GRM1: variants seen among roughly 807,000 people sequenced by gnomAD.
GRM1 encodes glutamate metabotropic receptor 1, also known as metabotropic glutamate receptor 1.
In GRM1, 33 loss-of-function variants were observed where a neutral mutation model predicts 90.9. The observed-to-expected ratio is 0.36, with a 90% confidence interval of 0.28 to 0.49. The LOEUF is 0.49. Among genes scored for constraint, GRM1 ranks in the 20% least tolerant of loss-of-function variants. The pLI is 0.99. For synonymous variants in GRM1, 700 were observed against 613.2 expected, an observed-to-expected ratio of 1.14 and a Z score of -2.09; for missense variants, 1,190 against 1,534.3, an observed-to-expected ratio of 0.78 and a Z score of 3.75.
In GRM1 at chr6:146,266,706, G is replaced by T. The variant is rs73577140; in HGVS notation, c.951-37905G>T. Reference sequence around the variant, plus strand: ...TGGTAACTTTGTAACTAGCCTTACAGCAAGCCCTGCTCCCATCCATTCACC... The same window carrying T: ...TGGTAACTTTGTAACTAGCCTTACATCAAGCCCTGCTCCCATCCATTCACC... On this transcript the variant is annotated intron_variant, in intron 2 of 7. Coordinates refer to ENST00000282753, the MANE Select transcript of GRM1 (RefSeq NM_001278064.2). Among the ~76,000 whole-genome samples, 618 of 152,312 alleles carry T rather than the reference G, an allele frequency of 4.1e-3. 6 individuals carry two copies. The highest frequency in any genetic ancestry group is 0.014 in the African/African-American group (593 of 41,576).
chr6:146,314,415 T>A (rs1783892734), intron 3 of GRM1, among the ~76,000 whole-genome samples: 1 of 152,150 alleles, frequency 6.6e-6, no homozygotes, highest in South Asian at 2.1e-4. Context: ...TGGTTATTTA[T>A]TCACCTGGTA....
In GRM1 at chr6:146,408,182, A is replaced by G. The variant is rs190527817; in HGVS notation, c.2660+8483A>G. Among the ~76,000 whole-genome samples the G allele has an allele frequency of 2.2e-4, 33 of 152,222 alleles. No individual in the cohort carries two copies. In the East Asian group the frequency reaches 6.0e-3, roughly 28 times the overall value. On this transcript the variant is annotated intron_variant, in intron 7 of 7. Transcript: ENST00000282753. Reference sequence around the variant, plus strand: ...AGGGAGGAAGCAAGCTCTCTCCTGTATCTTCATTAGGGCACTGATTCCTTC... The same window carrying G: ...AGGGAGGAAGCAAGCTCTCTCCTGTGTCTTCATTAGGGCACTGATTCCTTC...
chr6:146,033,144 C>T (rs1309175501), intron 1 of GRM1, among the ~76,000 whole-genome samples: 1 of 152,072 alleles, frequency 6.6e-6, no homozygotes, highest in Admixed American at 6.5e-5. Context: ...TCATGATTAG[C>T]TCTGGAGGCA....
chr6:146,036,502 C>T (rs1157573019), intron 1 of GRM1, among the ~76,000 whole-genome samples: 2 of 151,884 alleles, frequency 1.3e-5, no homozygotes, highest in Admixed American at 1.3e-4. Context: ...TTTAATTGTT[C>T]TCTATGAATG....
intron 1 of GRM1, among the ~76,000 whole-genome samples, chr6:146,154,662 A>G (rs1777457688): frequency 6.6e-6 from 1 of 152,244 alleles, no homozygotes; most frequent in African/African-American, 2.4e-5. Flanking sequence ...ATGCTCATGA[A>G]ACTTTTACAG....
chr6:146,165,804 C>T (rs553854218), intron 2 of GRM1, among the ~76,000 whole-genome samples: 15 of 152,182 alleles, frequency 9.9e-5, no homozygotes, highest in African/African-American at 2.6e-4. Context: ...CAACAGGTAT[C>T]GTGTGTATAG....
chr6:146,392,597 A>G (rs147056551), intron 6 of GRM1, among the ~76,000 whole-genome samples: 34 of 152,338 alleles, frequency 2.2e-4, no homozygotes, highest in African/African-American at 8.2e-4. Context: ...CAGATTTGTT[A>G]CATAGGTATA....
chr6:146,097,886 A>T (rs1776924954), intron 1 of GRM1, among the ~76,000 whole-genome samples: 1 of 152,244 alleles, frequency 6.6e-6, no homozygotes, highest in Non-Finnish European at 1.5e-5. Context: ...TTTATTGCTT[A>T]TACCAGCTTT....
chr6:146,109,213 C>T (rs551347603), intron 1 of GRM1, among the ~76,000 whole-genome samples: 2 of 152,042 alleles, frequency 1.3e-5, no homozygotes, highest in Admixed American at 1.3e-4. Context: ...TTATGGCAGC[C>T]CCCCCAATCA....
intron 3 of GRM1, among the ~76,000 whole-genome samples, chr6:146,322,909 A>G (rs1048726449): frequency 6.6e-6 from 1 of 152,106 alleles, no homozygotes; most frequent in Non-Finnish European, 1.5e-5. Flanking sequence ...AGATTCATCC[A>G]TGTCCCTACA....
At chr6:146,414,404 A>ATTATTATTATTATTT (rs1180480461) in intron 7 of GRM1, among the ~76,000 whole-genome samples, 1 of 148,618 alleles carries the variant, frequency 6.7e-6, no homozygotes, top group Non-Finnish European at 1.5e-5. Flanking sequence ...TATTATTATT[A>ATTATTATTATTATTT]TTTTTGTTGT....
intron 5 of GRM1, among the ~76,000 whole-genome samples, chr6:146,364,148 CAG>C (rs1252033214): frequency 1.6e-4 from 25 of 152,212 alleles, no homozygotes; most frequent in Non-Finnish European, 1.3e-4. Flanking sequence ...GCTCCCAGTT[CAG>C]AGTTTAAAGT....
intron 2 of GRM1, among the ~76,000 whole-genome samples, chr6:146,280,949 T>A (rs1782544816): frequency 6.6e-6 from 1 of 152,116 alleles, no homozygotes; most frequent in African/African-American, 2.4e-5. Context: ...ATGTCTTCAT[T>A]TTTTAATACC....
intron 2 of GRM1, among the ~76,000 whole-genome samples, chr6:146,170,538 C>G (rs915910302): frequency 1.3e-5 from 2 of 152,122 alleles, no homozygotes; most frequent in Non-Finnish European, 2.9e-5. Flanking sequence ...TCTGCCAGTT[C>G]AAACCTACAG....
intron 7 of GRM1, among the ~76,000 whole-genome samples, chr6:146,416,905 T>C (rs1777807433): frequency 6.6e-6 from 1 of 152,192 alleles, no homozygotes; most frequent in African/African-American, 2.4e-5. Context: ...CTGTGCCTTG[T>C]GTAGCCTAAA....
At position 146,068,612 on chromosome 6, in the gene GRM1, G is replaced by A. The variant is rs769609587; in HGVS notation, c.700+38395G>A. Among the ~76,000 whole-genome samples the A allele has an allele frequency of 6.6e-5, 10 of 152,218 alleles. No homozygotes were observed. In the East Asian group the frequency reaches 1.2e-3, roughly 18 times the overall value. On this transcript the variant is annotated intron_variant, in intron 1 of 7. Transcript: ENST00000282753. Reference sequence around the variant, plus strand: ...AGCTAATCTACAGAATGAATAATCAGGTAATTGTTAAATGATTTGTCTTGG... The same window carrying A: ...AGCTAATCTACAGAATGAATAATCAAGTAATTGTTAAATGATTTGTCTTGG...
intron 2 of GRM1, among the ~76,000 whole-genome samples, chr6:146,267,044 C>G (rs62434325): frequency 1.3e-3 from 199 of 152,304 alleles, no homozygotes; most frequent in Admixed American, 3.3e-3. Flanking sequence ...TCTCCCTCCC[C>G]CTACCCTCCA....
chr6:146,412,086 C>T (rs1311313807), intron 7 of GRM1, among the ~76,000 whole-genome samples: 2 of 152,144 alleles, frequency 1.3e-5, no homozygotes, highest in Non-Finnish European at 2.9e-5. Flanking sequence ...CTCCTTCTGC[C>T]TCCCTGTGAA....
chr6:146,206,058 A>G (rs1184673700), intron 2 of GRM1, among the ~76,000 whole-genome samples: 1 of 152,214 alleles, frequency 6.6e-6, no homozygotes, highest in South Asian at 2.1e-4. Context: ...TAGCAGAGAA[A>G]GAGAAGTGGG....
Sources: allele counts gnomAD v4.1 joint callset (sites outside exome capture counted in the v4.1 genomes callset), GRCh38; gene constraint gnomAD v4.1.1; transcripts MANE v1.5; gene names NCBI Gene and HGNC (gene_info 2026-07-23, HGNC 2026-07-21).